The following TRPC4 variants were observed in gnomAD, a reference collection of about 807,000 sequenced individuals.
The protein encoded by TRPC4 is short transient receptor potential channel 4.
Under a neutral mutation model 99.4 loss-of-function variants are expected in TRPC4, and 49 were observed. The ratio of observed to expected loss-of-function variants is 0.49; its 90% CI spans 0.39 to 0.63. The LOEUF is 0.63. Ranked by LOEUF, TRPC4 falls within the 20% of genes least tolerant of loss-of-function variation. The probability of loss-of-function intolerance (pLI) is 0.00; values close to 1 mark genes in which losing one functional copy is unlikely to be tolerated. For synonymous variants in TRPC4, 454 were observed against 425.9 expected (o/e 1.07, Z -0.81); for missense variants, 898 against 1,152.9 (o/e 0.78, Z 3.20).
intron 5 of TRPC4, among the ~76,000 whole-genome samples, chr13:37,673,345 A>C (rs1952927962): frequency 6.6e-6 from 1 of 152,144 alleles, no homozygotes; most frequent in Admixed American, 6.5e-5. Context: ...TTGCCCACAG[A>C]AGCAGAAGGC....
At chr13:37,653,435 G>A (rs549508180) in intron 7 of TRPC4, among the ~76,000 whole-genome samples, 2 of 151,740 alleles carry the variant, frequency 1.3e-5, no homozygotes, top group East Asian at 3.9e-4. Context: ...GAAGAAAGAA[G>A]AAAGAAAGAA....
chr13:37,714,349 A>T (rs1454312671), intron 3 of TRPC4, among the ~76,000 whole-genome samples: 2 of 151,732 alleles, frequency 1.3e-5, no homozygotes, highest in African/African-American at 4.8e-5. Context: ...CTGGTCTCGA[A>T]CTCCTGACCT....
intron 1 of TRPC4, among the ~76,000 whole-genome samples, chr13:37,813,161 A>T (rs1309786971): frequency 1.3e-5 from 2 of 151,986 alleles, no homozygotes; most frequent in African/African-American, 2.4e-5. Context: ...AATAATCAAT[A>T]AATCAAAGAA....
At chr13:37,855,507 T>A (rs966641864) in intron 1 of TRPC4, among the ~76,000 whole-genome samples, 1 of 151,758 alleles carries the variant, frequency 6.6e-6, no homozygotes, top group Admixed American at 6.6e-5. Flanking sequence ...AACATCAGAC[T>A]TAACTTGTGC....
intron 3 of TRPC4, among the ~76,000 whole-genome samples, chr13:37,731,324 G>C (rs137903072): frequency 9.9e-5 from 15 of 152,104 alleles, no homozygotes; most frequent in African/African-American, 3.6e-4. Context: ...TCAGCACACA[G>C]AGGCATCAAA....
chr13:37,636,750 G>A lies in TRPC4; in HGVS notation c.*153C>T, dbSNP rs945869432. 234 of 1,018,026 alleles carry A rather than the reference G, an allele frequency of 2.3e-4. No individual in the cohort carries two copies. In the African/African-American group the frequency reaches 3.0e-3, roughly 13 times the overall value. The allele number at this position is 1,018,026 out of a possible 1,614,324, so 63.1% of individuals were successfully genotyped here. ...AACAAAAAGGTTTTTGATTGCCTTT[G>A]CCTTATTTAAACATGTTACAGGTAA... On this transcript the variant is annotated 3_prime_UTR_variant, in exon 11 of 11. Transcript: ENST00000379705.
intron 8 of TRPC4, among the ~76,000 whole-genome samples, chr13:37,644,898 A>G (rs1951825574): frequency 6.7e-6 from 1 of 149,332 alleles, no homozygotes; most frequent in Non-Finnish European, 1.5e-5. Context: ...AAAAAGAAAG[A>G]AATTTCTGGA....
intron 1 of TRPC4, among the ~76,000 whole-genome samples, chr13:37,829,096 A>G (rs1439833357): frequency 6.6e-6 from 1 of 152,218 alleles, no homozygotes; most frequent in African/African-American, 2.4e-5. Context: ...ACAAGCAACC[A>G]AAGAAAAAAT....
At chr13:37,710,732 T>C (rs1309046683) in intron 3 of TRPC4, among the ~76,000 whole-genome samples, 1 of 151,930 alleles carries the variant, frequency 6.6e-6, no homozygotes, top group Non-Finnish European at 1.5e-5. Context: ...TTATGGGTCT[T>C]GAATCTGTCT....
chr13:37,665,251 T>G (rs1246028984), intron 5 of TRPC4, among the ~76,000 whole-genome samples: 1 of 152,188 alleles, frequency 6.6e-6, no homozygotes, highest in Non-Finnish European at 1.5e-5. Flanking sequence ...CCGTAACTAT[T>G]GATAGCTGTC....
chr13:37,683,670 C>T (rs1029432216), intron 4 of TRPC4, among the ~76,000 whole-genome samples: 2 of 152,086 alleles, frequency 1.3e-5, no homozygotes, highest in Admixed American at 6.5e-5. Flanking sequence ...GAGCTCTGAC[C>T]AGGGTGCCAG....
chr13:37,634,882 T>G lies in TRPC4; in HGVS notation c.*2021A>C, dbSNP rs936545736. Among the ~76,000 whole-genome samples the G allele has an allele frequency of 1.3e-5, 2 of 152,068 alleles. No individual in the cohort carries two copies. Among genetic ancestry groups the G allele is most frequent in the Admixed American group, 6.6e-5 (1 of 15,230 alleles). On this transcript the variant is annotated 3_prime_UTR_variant, in exon 11 of 11. Transcript: ENST00000379705. ...ATAAAGGTGTTCTTGAAACAGTAAA[T>G]GCATTCATTTAGGCTTGTGTTTCTC...
At chr13:37,769,101 T>C (rs944020353) in intron 2 of TRPC4, among the ~76,000 whole-genome samples, 1 of 151,452 alleles carries the variant, frequency 6.6e-6, no homozygotes, top group Non-Finnish European at 1.5e-5. Flanking sequence ...ATTGATAGCA[T>C]TTTAACGAAA....
At chr13:37,789,545 T>C (rs372482064) in intron 1 of TRPC4, among the ~76,000 whole-genome samples, 4 of 152,192 alleles carry the variant, frequency 2.6e-5, no homozygotes, top group African/African-American at 9.6e-5. Flanking sequence ...AATTAATGAT[T>C]ATACTCTTAG....
At chr13:37,746,970 G>A (rs1955804882) in intron 2 of TRPC4, among the ~76,000 whole-genome samples, 1 of 152,088 alleles carries the variant, frequency 6.6e-6, no homozygotes, top group African/African-American at 2.4e-5. Context: ...ATTCAGCCTA[G>A]TGACTAAATG....
At chr13:37,661,400 T>C (rs1232987013) in intron 6 of TRPC4, among the ~76,000 whole-genome samples, 1 of 152,248 alleles carries the variant, frequency 6.6e-6, no homozygotes, top group Non-Finnish European at 1.5e-5. Flanking sequence ...GTATAACCTA[T>C]TGATTGCAGA....
rs1408745994 is a variant in TRPC4, at chr13:37,783,081, G to C, written c.253C>G (p.Leu85Val). The change falls in exon 2 of 11, where the codon CTC becomes GTC. Residue 85 changes from leucine to valine, a missense_variant. By Grantham distance (32) the Leu-to-Val change is conservative (BLOSUM62 1). Coordinates refer to ENST00000379705, the MANE Select transcript of TRPC4 (RefSeq NM_016179.4). ...TTAAAGCTTAAGAGTAGTTCGATGAGCTCCAAGTTCTCATTTTCAATTGCA... is the reference window on the plus strand; with the variant it reads ...TTAAAGCTTAAGAGTAGTTCGATGACCTCCAAGTTCTCATTTTCAATTGCA... Reference protein sequence around the residue: ...LIAIENENLELIELLLSFNVY... With the variant: ...LIAIENENLEVIELLLSFNVY... 2 of 1,613,200 alleles carry C rather than the reference G, an allele frequency of 1.2e-6. No individual in the cohort carries two copies. Among genetic ancestry groups the C allele is most frequent in the Non-Finnish European group, 1.7e-6 (2 of 1,179,754 alleles).
chr13:37,649,781 A>T (rs971480548), intron 8 of TRPC4, among the ~76,000 whole-genome samples: 2 of 149,722 alleles, frequency 1.3e-5, no homozygotes, highest in African/African-American at 4.9e-5. Flanking sequence ...GAACTAAGCT[A>T]TTACATTTAT....
intron 3 of TRPC4, among the ~76,000 whole-genome samples, chr13:37,696,895 CT>C (rs1468189662): frequency 6.7e-6 from 1 of 148,580 alleles, no homozygotes; most frequent in African/African-American, 2.5e-5. Flanking sequence ...AGGGAATTAA[CT>C]TTTTCCATAG....
Sources: gnomAD v4.1 joint callset for allele counts (sites outside exome capture counted in the v4.1 genomes callset) on GRCh38, gnomAD v4.1.1 for gene constraint, MANE v1.5 for transcripts, NCBI Gene and HGNC (gene_info 2026-07-23, HGNC 2026-07-21) for gene names.